Variants in KAZN observed in about 807,000 individuals in gnomAD.
KAZN encodes kazrin, periplakin interacting protein, also known as kazrin.
In KAZN, 40 loss-of-function variants were observed where a neutral mutation model predicts 87.4. The ratio of observed to expected loss-of-function variants is 0.46; its 90% CI spans 0.36 to 0.60. KAZN has a LOEUF of 0.60. Ranked by LOEUF, KAZN falls within the 20% of genes least tolerant of loss-of-function variation. The pLI is 0.00. For missense variants in KAZN, 898 were observed against 1,073.9 expected, an observed-to-expected ratio of 0.84 and a Z score of 2.29; for synonymous variants, 466 against 458.3, an observed-to-expected ratio of 1.02 and a Z score of -0.22.
At chr1:15,090,224 C>T (rs368089475) in intron 8 of KAZN, among the ~76,000 whole-genome samples, 57 of 152,322 alleles carry the variant, frequency 3.7e-4, no homozygotes, top group East Asian at 1.7e-3. Flanking sequence ...TGACAGGGGC[C>T]GTGTCTTGGA....
rs1235417833 is a variant in KAZN, at chr1:15,056,930, C to A, written c.916+650C>A. ...CACCTTGCTCTGTTCTCTGTCCCTT[C>A]TGCAAGTAGTTGCCCTTATGTGATA... On this transcript the variant is annotated intron_variant, in intron 5 of 14. Transcript: ENST00000376030. The surrounding 1 kb of genome is among the most constrained non-coding windows in gnomAD (Gnocchi z 5.4). 6.6e-6 allele frequency among the ~76,000 whole-genome samples: 1 copy of A among 152,260 alleles called. No homozygotes were observed. Among genetic ancestry groups the A allele is most frequent in the Admixed American group, 6.5e-5 (1 of 15,282 alleles).
rs1448595498 is a variant in KAZN, at chr1:14,214,530, A to G, written c.249+33938A>G. On this transcript the variant is annotated intron_variant, in intron 2 of 16. Coordinates refer to the KAZN transcript ENST00000636203. ...AAATGCTTATGGGACTTGAAAAATA[A>G]GTAGCAAAATATATGATTTTTCATT... 2.0e-5 allele frequency among the ~76,000 whole-genome samples: 3 copies of G among 152,228 alleles called. No individual in the cohort carries two copies. In the East Asian group the frequency reaches 5.8e-4, roughly 29 times the overall value.
At chr1:13,913,719 A>T (rs1639735969) in intron 1 of KAZN, among the ~76,000 whole-genome samples, 1 of 152,158 alleles carries the variant, frequency 6.6e-6, no homozygotes, top group Non-Finnish European at 1.5e-5. Flanking sequence ...GGAGGGGGTG[A>T]TCCTTTTTGA....
chr1:14,606,791 A>G (rs562652009), intron 1 of KAZN, among the ~76,000 whole-genome samples: 1 of 152,128 alleles, frequency 6.6e-6, no homozygotes, highest in Admixed American at 6.5e-5. Context: ...GTGTTGTAGG[A>G]TATTTAGCAG....
chr1:14,689,061 G>A (rs1408061970), intron 1 of KAZN, among the ~76,000 whole-genome samples: 2 of 152,126 alleles, frequency 1.3e-5, no homozygotes, highest in African/African-American at 2.4e-5. Flanking sequence ...CAGACATGGT[G>A]GTGCGTGCCT....
At chr1:14,253,323 C>T (rs1048519962) in intron 2 of KAZN, among the ~76,000 whole-genome samples, 1 of 152,188 alleles carries the variant, frequency 6.6e-6, no homozygotes, top group African/African-American at 2.4e-5. Flanking sequence ...CTTGCAGATT[C>T]CCTTCTTGCT....
At chr1:14,249,177 C>A (rs74886821) in intron 2 of KAZN, among the ~76,000 whole-genome samples, 1 of 152,186 alleles carries the variant, frequency 6.6e-6, no homozygotes, top group African/African-American at 2.4e-5. Context: ...GAGCACCATG[C>A]AGCAGTTGTT....
intron 1 of KAZN, among the ~76,000 whole-genome samples, chr1:13,976,788 C>T (rs536987186): frequency 6.6e-6 from 1 of 152,174 alleles, no homozygotes; most frequent in Admixed American, 6.5e-5. Flanking sequence ...CTAGTGGCAG[C>T]ACTGTGTGTT....
At chr1:14,595,391 G>A (rs1676431348), upstream of KAZN, among the ~76,000 whole-genome samples, 1 of 152,038 alleles carries the variant, frequency 6.6e-6, no homozygotes, top group Non-Finnish European at 1.5e-5. Context: ...AAGAAACGTA[G>A]ACCCGGCCGA....
At chr1:14,225,890 C>T (rs1025633512) in intron 2 of KAZN, among the ~76,000 whole-genome samples, 5 of 152,028 alleles carry the variant, frequency 3.3e-5, no homozygotes, top group South Asian at 2.1e-4. Flanking sequence ...AGTGTGAAAC[C>T]TAAAACTGTA....
chr1:14,437,251 C>T (rs1222319959), intron 2 of KAZN, among the ~76,000 whole-genome samples: 1 of 152,214 alleles, frequency 6.6e-6, no homozygotes, highest in Non-Finnish European at 1.5e-5. Context: ...CTCATCCCCA[C>T]ATCCCACAGC....
chr1:14,616,992 A>G (rs1678301365), intron 1 of KAZN, among the ~76,000 whole-genome samples: 1 of 152,322 alleles, frequency 6.6e-6, no homozygotes, highest in East Asian at 1.9e-4. Flanking sequence ...AGTGAGTGTC[A>G]TGAGCCACTT....
At chr1:14,638,367 G>A (rs542879218) in intron 1 of KAZN, among the ~76,000 whole-genome samples, 14 of 152,146 alleles carry the variant, frequency 9.2e-5, no homozygotes, top group African/African-American at 3.4e-4. Context: ...TCAGAAGCTT[G>A]AGACCAGTCT....
At chr1:14,375,294 A>G (rs564931752) in intron 2 of KAZN, among the ~76,000 whole-genome samples, 37 of 152,304 alleles carry the variant, frequency 2.4e-4, no homozygotes, top group African/African-American at 8.9e-4. Flanking sequence ...AACCACTAGG[A>G]AGGCCCCAGG....
chr1:14,115,056 G>T (rs1644585622), intron 1 of KAZN, among the ~76,000 whole-genome samples: 1 of 152,170 alleles, frequency 6.6e-6, no homozygotes, highest in Non-Finnish European at 1.5e-5. Context: ...CCATAACAAA[G>T]TCCCACAGAC....
At chr1:14,753,073 G>A (rs59891391) in intron 1 of KAZN, among the ~76,000 whole-genome samples, 5,305 of 152,226 alleles carry the variant, frequency 0.035, 129 homozygotes, top group East Asian at 0.11. Context: ...TCACAGCTCA[G>A]GGGTCAGCAA....
At chr1:14,900,948 C>T (rs1040065364) in intron 1 of KAZN, among the ~76,000 whole-genome samples, 18 of 152,074 alleles carry the variant, frequency 1.2e-4, no homozygotes, top group Admixed American at 2.6e-4. Context: ...ACTCTCTGTC[C>T]GCACACTTAT....
intron 1 of KAZN, among the ~76,000 whole-genome samples, chr1:14,021,243 C>T (rs988633073): frequency 2.0e-5 from 3 of 152,158 alleles, no homozygotes; most frequent in African/African-American, 7.2e-5. Context: ...TTGCCAAATG[C>T]CCCACGGTGG....
Position 14,960,691 on chromosome 1 carries a change from G to A in KAZN, c.234G>A (p.Leu78=). ...TGTGCCCTTCTCCCCTAGTGCTCCTGCGGGAAGAAGTGTCGCGGCTCCAGG... is the reference window on the plus strand; with the variant it reads ...TGTGCCCTTCTCCCCTAGTGCTCCTACGGGAAGAAGTGTCGCGGCTCCAGG... ...ENPQLGAQVL[L]REEVSRLQEE... is the part of the protein sequence containing the mutation. Residue 78 remains leucine, a synonymous_variant, in exon 2 of 15, where the codon CTG becomes CTA. Transcript: ENST00000376030. The A allele has an allele frequency of 6.4e-7, 1 of 1,565,566 alleles. No individual in the cohort carries two copies. The highest frequency in any genetic ancestry group is 8.7e-7 in the Non-Finnish European group (1 of 1,153,866).
Sources: gnomAD v4.1 joint callset for allele counts (sites outside exome capture counted in the v4.1 genomes callset) on GRCh38, gnomAD v4.1.1 for gene constraint, Gnocchi (gnomAD v3.1) non-coding constraint, MANE v1.5 for transcripts, NCBI Gene and HGNC (gene_info 2026-07-23, HGNC 2026-07-21) for gene names.